TTBK1: variants seen among roughly 807,000 people sequenced by gnomAD.
TTBK1 encodes tau tubulin kinase 1.
A neutral mutation model predicts 108.5 loss-of-function variants in TTBK1; 34 were observed. That is an observed-to-expected ratio of 0.31 (90% CI 0.24 to 0.42). The LOEUF (loss-of-function observed/expected upper bound fraction) is 0.42. Ranked by LOEUF, TTBK1 falls within the 10% of genes least tolerant of loss-of-function variation. The pLI, the probability that TTBK1 is intolerant of heterozygous loss-of-function variation, is 1.00. For missense variants in TTBK1, 1,539 were observed against 1,826.0 expected, an observed-to-expected ratio of 0.84 and a Z score of 2.86; for synonymous variants, 809 against 795.1, an observed-to-expected ratio of 1.02 and a Z score of -0.29.
chr6:43,255,031 G>T lies in TTBK1; in HGVS notation c.577-18G>T. On this transcript the variant is annotated intron_variant, in intron 6 of 14. Coordinates refer to ENST00000259750, the MANE Select transcript of TTBK1 (RefSeq NM_032538.3). ...GAGGGCATGGTGGGTGACGTTCTTG[G>T]TGGTCTCCCTTCTGCAGCCTCGGAA... The T allele has an allele frequency of 1.2e-6, 2 of 1,613,392 alleles. No individual in the cohort carries two copies. Among genetic ancestry groups the T allele is most frequent in the Non-Finnish European group, 1.7e-6 (2 of 1,179,550 alleles).
In TTBK1 at chr6:43,253,727, C is replaced by A. The variant is rs767211594; in HGVS notation, c.471+19C>A. The A allele has an allele frequency of 6.2e-7, 1 of 1,604,792 alleles. No individual in the cohort carries two copies. The highest frequency in any genetic ancestry group is 8.5e-7 in the Non-Finnish European group (1 of 1,175,032). ...CAAGCCTGTGAGTACTGCCCCCACACGCCTCTCTGTTCCCTCCTCCAGAAC... is the reference window on the plus strand; with the variant it reads ...CAAGCCTGTGAGTACTGCCCCCACAAGCCTCTCTGTTCCCTCCTCCAGAAC... On this transcript the variant is annotated intron_variant, in intron 5 of 14. Transcript: ENST00000259750. The surrounding 1 kb of genome is among the most constrained non-coding windows in gnomAD (Gnocchi z 5.8).
At chr6:43,254,440 G>A (rs986767346) in intron 5 of TTBK1, 107 bp from the exon 6 acceptor site, 4 of 723,406 alleles carry the variant, frequency 5.5e-6, no homozygotes, top group African/African-American at 5.5e-5. Flanking sequence ...GCGAGTGAAT[G>A]TGGGGCTGAA....
At chr6:43,262,587 C>A (rs769464771) in intron 12 of TTBK1, among the ~76,000 whole-genome samples, 1 of 152,162 alleles carries the variant, frequency 6.6e-6, no homozygotes, top group Non-Finnish European at 1.5e-5. Context: ...AATGAACGAA[C>A]GAACTAACAA....
chr6:43,270,567 G>A (rs1777805328), intron 13 of TTBK1: 1 of 985,466 alleles, frequency 1.0e-6, no homozygotes, highest in Admixed American at 6.2e-5. Context: ...GACTTTCTCA[G>A]GCCATCATCA....
At chr6:43,247,542 G>A (rs1047575776) in intron 2 of TTBK1, among the ~76,000 whole-genome samples, 7 of 152,064 alleles carry the variant, frequency 4.6e-5, no homozygotes, top group African/African-American at 1.7e-4. Flanking sequence ...GCGGCAGTGT[G>A]GGGAAACCCG....
chr6:43,272,618 G>A, intron 13 of TTBK1: 1 of 985,414 alleles, frequency 1.0e-6, no homozygotes, highest in Non-Finnish European at 1.2e-6. Flanking sequence ...ATAAAGCTCT[G>A]AGCTAACAGG....
In TTBK1 at chr6:43,275,763, A is replaced by T. The variant is rs566941723; in HGVS notation, c.1987-6964A>T. On this transcript the variant is annotated intron_variant, in intron 13 of 14. Coordinates refer to ENST00000259750, the MANE Select transcript of TTBK1 (RefSeq NM_032538.3). ...CCCACCACTGAGGGCCCTGGGGGTC[A>T]CCAAACATGCCCCCCCATTTCCAGC... 2.1e-4 allele frequency among the ~76,000 whole-genome samples: 31 copies of T among 148,898 alleles called. 1 individual carries two copies. The South Asian group carries it at 6.6e-3, about 32-fold the overall frequency.
At chr6:43,267,458 C>T (rs191929685) in intron 13 of TTBK1, among the ~76,000 whole-genome samples, 437 of 152,230 alleles carry the variant, frequency 2.9e-3, no homozygotes, top group African/African-American at 9.7e-3. Context: ...CTCTCTAGAC[C>T]TACCTCAATT....
At chr6:43,266,381 GACA>G (rs888096653) in intron 13 of TTBK1, among the ~76,000 whole-genome samples, 3 of 152,234 alleles carry the variant, frequency 2.0e-5, no homozygotes, top group African/African-American at 7.2e-5. Context: ...TTCTAATAAT[GACA>G]ACAATAGTTA....
At position 43,285,725 on chromosome 6, in the gene TTBK1, G is replaced by C. The variant is rs1163186175; in HGVS notation, c.*349G>C. 5.5e-6 allele frequency: 1 copy of C among 183,022 alleles called. No homozygotes were observed. Among genetic ancestry groups the C allele is most frequent in the African/African-American group, 2.3e-5 (1 of 42,656 alleles). The allele number at this position is 183,022 out of a possible 1,614,324, so 11.3% of individuals were successfully genotyped here. A position where few individuals can be genotyped will look rare whatever the true frequency, so the allele number is the denominator to read the frequency against. Reference sequence around the variant, plus strand: ...CATCGAGGACTCCACTTCTGGGGACGCCTGGTTCGTTCGCCCACCAGGCCT... The same window carrying C: ...CATCGAGGACTCCACTTCTGGGGACCCCTGGTTCGTTCGCCCACCAGGCCT... On this transcript the variant is annotated 3_prime_UTR_variant, in exon 15 of 15. Transcript: ENST00000259750. The surrounding 1 kb of genome is among the most constrained non-coding windows in gnomAD (Gnocchi z 4.7).
At chr6:43,271,928 T>A in intron 13 of TTBK1, 1 of 982,142 alleles carries the variant, frequency 1.0e-6, no homozygotes, top group Non-Finnish European at 1.2e-6. Context: ...AAGCCTCTGT[T>A]GCCCTCTGGG....
rs1196301207 is a variant in TTBK1, at chr6:43,283,458, C to T, written c.2718C>T (p.Ala906=). ...CGGGGCCTGGGGCAGGGCTGGGGGC[C>T]GGGACAGTGACCACAGGGGTCGGGG... ...KPPGPGAGLG[A]GTVTTGVGGV... The change falls in exon 14 of 15, where the codon GCC becomes GCT. Residue 906 remains alanine (A), a synonymous_variant. Transcript: ENST00000259750. This position sits in a 1 kb window ranked among gnomAD's most constrained non-coding sequence, Gnocchi z 8.1. 1.1e-5 allele frequency: 17 copies of T among 1,613,852 alleles called. No individual in the cohort carries two copies. Among genetic ancestry groups the T allele is most frequent in the East Asian group, 2.2e-5 (1 of 44,880 alleles).
In TTBK1 at chr6:43,283,429, C is replaced by T. The variant is rs1778246443; in HGVS notation, c.2689C>T (p.Pro897Ser). ...LSSVLKSEPKPPGPGAGLGAG... is the reference protein window; with the variant it reads ...LSSVLKSEPKSPGPGAGLGAG... ...CTCTGTCCTCAAGTCTGAGCCCAAGCCCCCGGGGCCTGGGGCAGGGCTGGG... is the reference window on the plus strand; with the variant it reads ...CTCTGTCCTCAAGTCTGAGCCCAAGTCCCCGGGGCCTGGGGCAGGGCTGGG... Residue 897 changes from proline (P) to serine (S), a missense_variant, in exon 14 of 15, where the codon CCC becomes TCC. By Grantham distance (74) the Pro-to-Ser change is moderately conservative. Around this residue, in one of 5 missense-constraint regions of TTBK1, gnomAD observed 1,055 missense variants for 1,086.5 expected, o/e 0.97. Coordinates refer to ENST00000259750, the MANE Select transcript of TTBK1 (RefSeq NM_032538.3). The surrounding 1 kb of genome is among the most constrained non-coding windows in gnomAD (Gnocchi z 8.1). 1 of 1,613,276 alleles carries T rather than the reference C, an allele frequency of 6.2e-7. No homozygotes were observed. Among genetic ancestry groups the T allele is most frequent in the Non-Finnish European group, 8.5e-7 (1 of 1,179,624 alleles).
rs1167962040 is a variant in TTBK1, at chr6:43,285,534, ACGCGG to A, written c.*162_*166del. On this transcript the variant is annotated 3_prime_UTR_variant, in exon 15 of 15. Transcript: ENST00000259750. This position sits in a 1 kb window ranked among gnomAD's most constrained non-coding sequence, Gnocchi z 4.7. ...CACCCGCGAGGACGCGCGCGAGCACACGCGGCGCCCCGCCAGGCCTTAGGGCCCGT... is the reference window on the plus strand; with the variant it reads ...CACCCGCGAGGACGCGCGCGAGCACACGCCCCGCCAGGCCTTAGGGCCCGT... 4 of 1,010,802 alleles carry A rather than the reference ACGCGG, an allele frequency of 4.0e-6. No individual in the cohort carries two copies. In the Admixed American group the frequency reaches 1.3e-4, roughly 34 times the overall value. 62.6% of individuals were successfully genotyped at this position (1,010,802 alleles called of 1,614,324 possible).
At chr6:43,252,526 G>T (rs2150685001) in intron 2 of TTBK1, among the ~76,000 whole-genome samples, 1 of 151,946 alleles carries the variant, frequency 6.6e-6, no homozygotes, top group East Asian at 1.9e-4. Flanking sequence ...ACTCAGGAGA[G>T]TGAGACGTTT....
At position 43,262,773 on chromosome 6, in the gene TTBK1, AG is replaced by A. The variant is rs748920474; in HGVS notation, c.1425-12del. 6.5e-7 allele frequency: 1 copy of A among 1,534,986 alleles called. No individual in the cohort carries two copies. Among genetic ancestry groups the A allele is most frequent in the Non-Finnish European group, 8.8e-7 (1 of 1,137,440 alleles). On this transcript the variant is annotated splice_polypyrimidine_tract_variant and intron_variant, in intron 12 of 14. Transcript: ENST00000259750. ...GTGGGGCCAGGTATTGAGCCCCGTG[AG>A]GGGTGGCTTTGCAGGTCACGGATGG...
rs1777487652 is a variant in TTBK1, at chr6:43,259,724, G to A, written c.1424+18G>A. On this transcript the variant is annotated intron_variant, in intron 12 of 14. Coordinates refer to ENST00000259750, the MANE Select transcript of TTBK1 (RefSeq NM_032538.3). This position sits in a 1 kb window ranked among gnomAD's most constrained non-coding sequence, Gnocchi z 6.7. ...GAGAGGAGGTGGGTCTGGGGCCAGG[G>A]GCATGGTTGGGGCCCAAGGCCCTCT... The A allele has an allele frequency of 2.6e-6, 4 of 1,549,932 alleles. No homozygotes were observed. The highest frequency in any genetic ancestry group is 1.2e-5 in the South Asian group (1 of 80,648).
chr6:43,268,980 G>A (rs1193830887), intron 13 of TTBK1, among the ~76,000 whole-genome samples: 2 of 151,330 alleles, frequency 1.3e-5, no homozygotes, highest in Non-Finnish European at 2.9e-5. Flanking sequence ...CTTTGAGGTG[G>A]GCACCATTAT....
At chr6:43,258,199 G>A (rs1777429115) in intron 10 of TTBK1, among the ~76,000 whole-genome samples, 1 of 152,134 alleles carries the variant, frequency 6.6e-6, no homozygotes, top group African/African-American at 2.4e-5. Context: ...TGGGGGAGCA[G>A]GGAACCCTAA....
Sources: gnomAD v4.1 joint callset for allele counts (sites outside exome capture counted in the v4.1 genomes callset) on GRCh38, gnomAD v4.1.1 for gene constraint, gnomAD v4.1.1 regional missense constraint, Gnocchi (gnomAD v3.1) non-coding constraint, MANE v1.5 for transcripts, NCBI Gene and HGNC (gene_info 2026-07-23, HGNC 2026-07-21) for gene names.